Variants in PGBD5 observed in about 807,000 individuals in gnomAD.
PGBD5 encodes the protein piggyBac transposable element derived 5.
PGBD5 carries 14 observed loss-of-function variants against 47.9 expected under a neutral mutation model. The ratio of observed to expected loss-of-function variants is 0.29; its 90% CI spans 0.19 to 0.46. The LOEUF is 0.46. PGBD5 is among the 20% of genes least tolerant of loss of function. PGBD5 has a pLI of 1.00. For synonymous variants in PGBD5, 316 were observed against 306.3 expected, an observed-to-expected ratio of 1.03 and a Z score of -0.33; for missense variants, 635 against 716.0, an observed-to-expected ratio of 0.89 and a Z score of 1.29.
At chr1:230,362,533 A>AC (rs1172000440) in intron 1 of PGBD5, among the ~76,000 whole-genome samples, 1 of 151,202 alleles carries the variant, frequency 6.6e-6, no homozygotes, top group Non-Finnish European at 1.5e-5. Flanking sequence ...GAACCTCCTG[A>AC]CCCCCAGGCC....
intron 1 of PGBD5, among the ~76,000 whole-genome samples, chr1:230,389,939 C>T (rs903206520): frequency 7.2e-5 from 11 of 152,194 alleles, no homozygotes; most frequent in African/African-American, 2.7e-4. Flanking sequence ...GTATCATCCT[C>T]ACTCCCCTCC....
intron 3 of PGBD5, among the ~76,000 whole-genome samples, chr1:230,339,421 G>A (rs1667377268): frequency 6.6e-6 from 1 of 152,146 alleles, no homozygotes; most frequent in Non-Finnish European, 1.5e-5. Flanking sequence ...AGACCTTAAA[G>A]TATGGCTGTT....
At chr1:230,407,430 G>A (rs1312656094) in intron 1 of PGBD5, among the ~76,000 whole-genome samples, 2 of 152,160 alleles carry the variant, frequency 1.3e-5, no homozygotes, top group Non-Finnish European at 1.5e-5. Context: ...AAAAAAAACT[G>A]TTCCCTGAAT....
At chr1:230,337,060 C>A in intron 4 of PGBD5, 48 bp downstream of exon 4, 1 of 1,586,930 alleles carries the variant, frequency 6.3e-7, no homozygotes, top group South Asian at 1.1e-5. Flanking sequence ...CCACCACTTT[C>A]CCAGGGGAGG....
In PGBD5 at chr1:230,323,730, C is replaced by A; in HGVS notation, c.1380-110G>T. 9.2e-7 allele frequency: 1 copy of A among 1,087,574 alleles called. No individual in the cohort carries two copies. Among genetic ancestry groups the A allele is most frequent in the Non-Finnish European group, 1.3e-6 (1 of 757,110 alleles). The allele number at this position is 1,087,574 out of a possible 1,614,324, so 67.4% of individuals were successfully genotyped here. A position where few individuals can be genotyped will look rare whatever the true frequency, so the allele number is the denominator to read the frequency against. On this transcript the variant is annotated intron_variant, in intron 6 of 6. Transcript: ENST00000391860. The surrounding 1 kb of genome is among the most constrained non-coding windows in gnomAD (Gnocchi z 4.1). ...CCGTGAGACGCTGCAGGTTCGCCCCCGACAGAAGCAGGAGGGCTATGGGGG... is the reference window on the plus strand; with the variant it reads ...CCGTGAGACGCTGCAGGTTCGCCCCAGACAGAAGCAGGAGGGCTATGGGGG...
intron 1 of PGBD5, among the ~76,000 whole-genome samples, chr1:230,384,350 G>A (rs1454877647): frequency 1.3e-5 from 2 of 152,172 alleles, no homozygotes. Context: ...TCTGAGGGAT[G>A]TATGTGTGGA....
intron 1 of PGBD5, among the ~76,000 whole-genome samples, chr1:230,367,349 T>C (rs928263797): frequency 3.9e-5 from 6 of 152,094 alleles, no homozygotes; most frequent in African/African-American, 1.4e-4. Context: ...CCTTCCTCCA[T>C]GAAAGGCAAT....
Position 230,316,158 on chromosome 1 carries a change from G to C in PGBD5, c.*7267C>G, listed in dbSNP as rs1037336686. 19 of 145,482 alleles carry C rather than the reference G, an allele frequency of 1.3e-4. No homozygotes were observed. Among genetic ancestry groups the C allele is most frequent in the African/African-American group, 3.2e-4 (12 of 37,824 alleles). 9.0% of individuals were successfully genotyped at this position (145,482 alleles called of 1,614,324 possible). A position where few individuals can be genotyped will look rare whatever the true frequency, so the allele number is the denominator to read the frequency against. On this transcript the variant is annotated 3_prime_UTR_variant, in exon 7 of 7. Transcript: ENST00000391860. ...CATATGTATATGTGTACACATATAT[G>C]TATGTGTATACATACATACGTACAC...
chr1:230,338,981 A>G (rs11122496), intron 3 of PGBD5, among the ~76,000 whole-genome samples: 60,586 of 151,980 alleles, frequency 0.4, 13,232 homozygotes, highest in Non-Finnish European at 0.46. Flanking sequence ...GGACCATAAT[A>G]CATTTGCAAA....
intron 1 of PGBD5, among the ~76,000 whole-genome samples, chr1:230,404,628 AAAT>A (rs1369067665): frequency 1.9e-4 from 24 of 123,892 alleles, no homozygotes; most frequent in African/African-American, 5.5e-4. Context: ...AAAAAAAAAA[AAAT>A]ATATATATAT....
rs764992194 is a variant in PGBD5, at chr1:230,351,100, G to A, written c.760-8C>T. Reference sequence around the variant, plus strand: ...CAGGGGTTCATGTAGCACCTGCCAGGAGGGAAAAAGCAGAGGCTCTCACGG... The same window carrying A: ...CAGGGGTTCATGTAGCACCTGCCAGAAGGGAAAAAGCAGAGGCTCTCACGG... On this transcript the variant is annotated splice_region_variant and splice_polypyrimidine_tract_variant and intron_variant, in intron 2 of 6. Transcript: ENST00000391860. The A allele has an allele frequency of 5.0e-6, 8 of 1,608,642 alleles. No individual in the cohort carries two copies. Among genetic ancestry groups the A allele is most frequent in the South Asian group, 4.4e-5 (4 of 90,088 alleles).
At chr1:230,385,183 A>G (rs1367485950) in intron 1 of PGBD5, among the ~76,000 whole-genome samples, 1 of 132,862 alleles carries the variant, frequency 7.5e-6, no homozygotes, top group Non-Finnish European at 1.7e-5. Context: ...ATCCCCCCAT[A>G]ACTCACTTTG....
rs1311742650 is a variant in PGBD5 at position 230,426,020 on chromosome 1, A to C, written c.-92T>G. 5.9e-5 allele frequency: 33 copies of C among 556,384 alleles called. No homozygotes were observed. Among genetic ancestry groups the C allele is most frequent in the Non-Finnish European group, 7.2e-5 (32 of 447,150 alleles). 34.5% of individuals were successfully genotyped at this position (556,384 alleles called of 1,614,324 possible). ...CCCGCGCCGCGGCCCGCCGCCCCCCACCAGCGCAGCCCGCAGCACAGCGCC... is the reference window on the plus strand; with the variant it reads ...CCCGCGCCGCGGCCCGCCGCCCCCCCCCAGCGCAGCCCGCAGCACAGCGCC... On this transcript the variant is annotated 5_prime_UTR_variant, in exon 1 of 7. Coordinates refer to ENST00000391860, the MANE Select transcript of PGBD5 (RefSeq NM_001258311.2).
chr1:230,418,064 G>C (rs1469876972), intron 1 of PGBD5, among the ~76,000 whole-genome samples: 2 of 152,174 alleles, frequency 1.3e-5, no homozygotes, highest in African/African-American at 4.8e-5. Flanking sequence ...CTGGGATGCT[G>C]CTGAACGTCC....
chr1:230,350,147 C>T (rs540211043), intron 3 of PGBD5, among the ~76,000 whole-genome samples: 12 of 152,208 alleles, frequency 7.9e-5, no homozygotes, highest in East Asian at 1.9e-4. Flanking sequence ...AGTGAGCGTG[C>T]GGTCAGCAGT....
intron 4 of PGBD5, among the ~76,000 whole-genome samples, chr1:230,335,859 ACACACAGATGCATACACGG>A (rs2102818016): frequency 1.8e-4 from 1 of 5,664 alleles, no homozygotes; most frequent in East Asian, 0.023. Flanking sequence ...ACACAGATAC[ACACACAGATGCATACACGG>A]ACACACAGAT....
At chr1:230,390,638 G>C (rs149176380) in intron 1 of PGBD5, among the ~76,000 whole-genome samples, 1 of 152,170 alleles carries the variant, frequency 6.6e-6, no homozygotes, top group Non-Finnish European at 1.5e-5. Context: ...CAGGGAGCCT[G>C]GGTTGCTCCT....
chr1:230,395,014 CG>C (rs1656895043), intron 1 of PGBD5, among the ~76,000 whole-genome samples: 2 of 126,262 alleles, frequency 1.6e-5, no homozygotes, highest in East Asian at 2.7e-4. Context: ...TCCCCATCCC[CG>C]AGCTCTTCTC....
At chr1:230,353,676 C>T (rs1429323092) in intron 2 of PGBD5, among the ~76,000 whole-genome samples, 1 of 152,110 alleles carries the variant, frequency 6.6e-6, no homozygotes, top group East Asian at 1.9e-4. Context: ...AATCCATCCA[C>T]ACACACACCT....
Sources: gnomAD v4.1 joint callset for allele counts (sites outside exome capture counted in the v4.1 genomes callset) on GRCh38, gnomAD v4.1.1 for gene constraint, Gnocchi (gnomAD v3.1) non-coding constraint, MANE v1.5 for transcripts, NCBI Gene and HGNC (gene_info 2026-07-23, HGNC 2026-07-21) for gene names.